Variants in SCLT1 observed in about 807,000 individuals in gnomAD.
The protein encoded by SCLT1 is sodium channel-associated protein 1.
A neutral mutation model predicts 112.8 loss-of-function variants in SCLT1; 78 were observed. That is an observed-to-expected ratio of 0.69 (90% CI 0.58 to 0.83). The LOEUF is 0.83. Ranked by LOEUF, SCLT1 falls within the 40% of genes least tolerant of loss-of-function variation. The probability of loss-of-function intolerance (pLI) is 0.00; values close to 1 mark genes in which losing one functional copy is unlikely to be tolerated. For synonymous variants in SCLT1, 257 were observed against 254.7 expected (o/e 1.01, Z -0.09); for missense variants, 747 against 770.4 (o/e 0.97, Z 0.36).
At chr4:128,948,269 G>C (rs1738360842) in intron 15 of SCLT1, among the ~76,000 whole-genome samples, 1 of 148,430 alleles carries the variant, frequency 6.7e-6, no homozygotes, top group South Asian at 2.2e-4. Flanking sequence ...CCGGGAGGTG[G>C]AGGTTGCAGT....
chr4:129,061,139 C>G (rs1749927568), intron 2 of SCLT1, among the ~76,000 whole-genome samples: 1 of 152,124 alleles, frequency 6.6e-6, no homozygotes, highest in South Asian at 2.1e-4. Flanking sequence ...ATCTCAGATA[C>G]CAGGGGATAA....
At chr4:128,987,950 AT>A (rs1742243582) in intron 9 of SCLT1, among the ~76,000 whole-genome samples, 1 of 152,174 alleles carries the variant, frequency 6.6e-6, no homozygotes, top group African/African-American at 2.4e-5. Flanking sequence ...AGAGAAGCAA[AT>A]AATATGTAAA....
chr4:129,031,452 C>A (rs1240730455), intron 5 of SCLT1, among the ~76,000 whole-genome samples: 2 of 151,952 alleles, frequency 1.3e-5, no homozygotes, highest in Non-Finnish European at 2.9e-5. Flanking sequence ...GTATTGGAAG[C>A]TCTGGCCAGG....
At chr4:128,888,178 G>A (rs1733028834) in intron 20 of SCLT1, among the ~76,000 whole-genome samples, 1 of 151,486 alleles carries the variant, frequency 6.6e-6, no homozygotes, top group Non-Finnish European at 1.5e-5. Flanking sequence ...TGTGGCTAGA[G>A]GCTATGATTG....
At chr4:128,936,612 ATTTC>A (rs1378203598) in intron 18 of SCLT1, 39 bp downstream of exon 18, 1 of 1,268,210 alleles carries the variant, frequency 7.9e-7, no homozygotes, top group African/African-American at 1.5e-5. Flanking sequence ...AGGTTAAAGA[ATTTC>A]TTCTGTAAAA....
intron 2 of SCLT1, among the ~76,000 whole-genome samples, chr4:129,053,557 ATTTTTTTTTTTTTTT>A (rs528905688): frequency 2.9e-4 from 13 of 45,236 alleles, no homozygotes; most frequent in African/African-American, 5.4e-4. Flanking sequence ...GCAATCCCTG[ATTTTTTTTTTTTTTT>A]TTTTTTTTTT....
chr4:129,025,344 G>C (rs1228536974), intron 5 of SCLT1, among the ~76,000 whole-genome samples: 1 of 152,088 alleles, frequency 6.6e-6, no homozygotes, highest in Non-Finnish European at 1.5e-5. Context: ...GACTAACAGC[G>C]GATCTCTTGG....
At chr4:129,005,757 GA>G (rs954751229) in intron 5 of SCLT1, among the ~76,000 whole-genome samples, 4 of 150,200 alleles carry the variant, frequency 2.7e-5, no homozygotes, top group African/African-American at 9.8e-5. Flanking sequence ...CAAAGACTTG[GA>G]ACCAACCCAA....
intron 5 of SCLT1, among the ~76,000 whole-genome samples, chr4:129,013,587 T>G (rs1165219132): frequency 1.3e-5 from 2 of 152,218 alleles, no homozygotes; most frequent in African/African-American, 4.8e-5. Context: ...TGGCTGGATA[T>G]TAAATTCTGG....
chr4:129,009,341 C>T (rs1251790934), intron 5 of SCLT1, among the ~76,000 whole-genome samples: 1 of 151,794 alleles, frequency 6.6e-6, no homozygotes, highest in Non-Finnish European at 1.5e-5. Context: ...GAAATCCCAT[C>T]TCTACTAAAT....
At chr4:128,940,176 A>G (rs529128574) in intron 17 of SCLT1, among the ~76,000 whole-genome samples, 1 of 152,214 alleles carries the variant, frequency 6.6e-6, no homozygotes, top group East Asian at 1.9e-4. Context: ...ATTATAAAAA[A>G]AAGAAAGCAA....
At chr4:128,877,332 C>T (rs908241691) in intron 3 of SCLT1, among the ~76,000 whole-genome samples, 1 of 151,982 alleles carries the variant, frequency 6.6e-6, no homozygotes, top group Non-Finnish European at 1.5e-5. Context: ...GGGATTCAAT[C>T]CCAGCCTGTC....
At chr4:129,092,608 G>C (rs1752946993) in intron 1 of SCLT1, among the ~76,000 whole-genome samples, 1 of 152,116 alleles carries the variant, frequency 6.6e-6, no homozygotes. Flanking sequence ...AATATATTTT[G>C]GAATACATTT....
At chr4:128,948,771 T>G (rs1738429338) in intron 14 of SCLT1, among the ~76,000 whole-genome samples, 1 of 152,190 alleles carries the variant, frequency 6.6e-6, no homozygotes, top group Non-Finnish European at 1.5e-5. Context: ...AGCAGTAGGA[T>G]GCCAAGGAGT....
chr4:129,003,924 A>G, intron 5 of SCLT1, 48 bp from the exon 6 acceptor site: 2 of 1,568,328 alleles, frequency 1.3e-6, no homozygotes, highest in Non-Finnish European at 1.7e-6. Flanking sequence ...TTTTCGTAAC[A>G]GTAATTACTG....
intron 10 of SCLT1, among the ~76,000 whole-genome samples, chr4:128,969,330 T>C (rs1019670854): frequency 5.9e-5 from 9 of 152,140 alleles, no homozygotes; most frequent in Non-Finnish European, 1.3e-4. Context: ...CCCAGCACTT[T>C]GGGAGGCTGA....
intron 1 of SCLT1, among the ~76,000 whole-genome samples, chr4:129,091,585 T>C (rs1373724380): frequency 2.0e-5 from 3 of 152,106 alleles, no homozygotes; most frequent in South Asian, 4.1e-4. Flanking sequence ...GCTGTTCTTA[T>C]GGGGTGGGGA....
chr4:128,875,013 A>G (rs1337888597), intron 4 of SCLT1: 1 of 151,178 alleles, frequency 6.6e-6, no homozygotes, highest in Non-Finnish European at 1.5e-5. Flanking sequence ...TGAAAAAAAA[A>G]AAAAGGTGCA....
chr4:128,900,096 C>T (rs1369051793), intron 18 of SCLT1, among the ~76,000 whole-genome samples: 4 of 152,184 alleles, frequency 2.6e-5, no homozygotes, highest in African/African-American at 9.7e-5. Context: ...AATGGCCATA[C>T]TGCCCAAGGT....
Sources: gnomAD v4.1 joint callset for allele counts (sites outside exome capture counted in the v4.1 genomes callset) on GRCh38, gnomAD v4.1.1 for gene constraint, MANE v1.5 for transcripts, NCBI Gene and HGNC (gene_info 2026-07-23, HGNC 2026-07-21) for gene names.